The following SIM2 variants were observed in gnomAD, a reference collection of about 807,000 sequenced individuals.
The protein encoded by SIM2 is SIM bHLH transcription factor 2, also known as single-minded homolog 2.
In SIM2, 28 loss-of-function variants were observed where a neutral mutation model predicts 64.8. The observed-to-expected ratio is 0.43, with a 90% CI of 0.32 to 0.59. SIM2 has a LOEUF of 0.59. SIM2 is among the 20% of genes least tolerant of loss of function. The pLI is 0.07. For synonymous variants in SIM2, 408 were observed against 391.1 expected, an observed-to-expected ratio of 1.04 and a Z score of -0.51; for missense variants, 847 against 871.4, an observed-to-expected ratio of 0.97 and a Z score of 0.35.
intron 1 of SIM2, among the ~76,000 whole-genome samples, chr21:36,706,749 G>A (rs1316707417): frequency 6.6e-6 from 1 of 152,202 alleles, no homozygotes; most frequent in African/African-American, 2.4e-5. Context: ...TGGCCTAGAG[G>A]CAGGGGTGCT....
In SIM2 at chr21:36,699,701, G is replaced by T. The variant is rs757097933; in HGVS notation, c.-46G>T. The T allele has an allele frequency of 6.3e-7, 1 of 1,583,636 alleles. No homozygotes were observed. Among genetic ancestry groups the T allele is most frequent in the East Asian group, 2.4e-5 (1 of 41,880 alleles). On this transcript the variant is annotated 5_prime_UTR_variant, in exon 1 of 11. Transcript: ENST00000290399. This position sits in a 1 kb window ranked among gnomAD's most constrained non-coding sequence, Gnocchi z 5.6. ...CGCCGCAGCCCGAGCGGGGCTCCGC[G>T]GGCCTGGAGCACGGCCGGGTCTAAT...
At chr21:36,723,237 C>T in intron 5 of SIM2, 107 bp downstream of exon 5, 1 of 870,716 alleles carries the variant, frequency 1.1e-6, no homozygotes, top group Non-Finnish European at 1.9e-6. Flanking sequence ...TCGTCATCCC[C>T]ACTAATGTAG....
At chr21:36,705,891 G>A (rs2088573473) in intron 1 of SIM2, among the ~76,000 whole-genome samples, 1 of 152,186 alleles carries the variant, frequency 6.6e-6, no homozygotes, top group Admixed American at 6.5e-5. Context: ...GTCTAACCTG[G>A]TGTTCCTACC....
rs781638907 is a variant in SIM2, at chr21:36,731,171, C to T, written c.850+20C>T. 3.8e-6 allele frequency: 6 copies of T among 1,594,976 alleles called. No homozygotes were observed. The highest frequency in any genetic ancestry group is 5.2e-6 in the Non-Finnish European group (6 of 1,163,604). On this transcript the variant is annotated intron_variant, in intron 7 of 10. Coordinates refer to ENST00000290399, the MANE Select transcript of SIM2 (RefSeq NM_005069.6). ...ACCTCCGTGAGTAGCACGCCCACCC[C>T]AGCCACGGGAGGTAGCTGGTCAGGG...
chr21:36,731,693 C>T (rs73902717), intron 7 of SIM2, among the ~76,000 whole-genome samples: 1 of 152,064 alleles, frequency 6.6e-6, no homozygotes, highest in Non-Finnish European at 1.5e-5. Context: ...CTGCTATACC[C>T]CAGCCAGCTA....
intron 3 of SIM2, among the ~76,000 whole-genome samples, chr21:36,718,204 A>G (rs1226470609): frequency 6.6e-6 from 1 of 152,250 alleles, no homozygotes; most frequent in African/African-American, 2.4e-5. Flanking sequence ...GCTCTTCTTA[A>G]CAAATTGGAA....
At position 36,733,856 on chromosome 21, in the gene SIM2, C is replaced by T. The variant is rs767095793; in HGVS notation, c.850+2705C>T. Among the ~76,000 whole-genome samples the T allele has an allele frequency of 7.9e-5, 12 of 152,232 alleles. No homozygotes were observed. The South Asian group carries it at 1.9e-3, about 24-fold the overall frequency. On this transcript the variant is annotated intron_variant, in intron 7 of 10. Transcript: ENST00000290399. ...GATTACAGGCGTGAGCCACCATGCCCGGCCCGAAGCAGGGATTTTTTTCCC... is the reference window on the plus strand; with the variant it reads ...GATTACAGGCGTGAGCCACCATGCCTGGCCCGAAGCAGGGATTTTTTTCCC...
chr21:36,708,874 A>C (rs2123425648), intron 1 of SIM2, among the ~76,000 whole-genome samples: 2 of 152,372 alleles, frequency 1.3e-5, no homozygotes, highest in African/African-American at 4.8e-5. Context: ...CGGCAATTTC[A>C]GGGCCATGAG....
At chr21:36,708,995 A>G (rs535672622) in intron 1 of SIM2, among the ~76,000 whole-genome samples, 173 bp from the exon 2 acceptor site, 48 of 151,808 alleles carry the variant, frequency 3.2e-4, no homozygotes, top group African/African-American at 1.1e-3. Flanking sequence ...CAGAGGGCAA[A>G]GGGGCGACGG....
chr21:36,733,075 G>T (rs1018950414), intron 7 of SIM2, among the ~76,000 whole-genome samples: 2 of 152,182 alleles, frequency 1.3e-5, no homozygotes, highest in Non-Finnish European at 2.9e-5. Flanking sequence ...GCCCTGGGGG[G>T]TCTGGAGCCC....
At chr21:36,706,138 G>T (rs2088577329) in intron 1 of SIM2, among the ~76,000 whole-genome samples, 2 of 152,264 alleles carry the variant, frequency 1.3e-5, no homozygotes, top group Non-Finnish European at 2.9e-5. Flanking sequence ...CTTCGGAAGA[G>T]GAGGGATCGC....
intron 6 of SIM2, among the ~76,000 whole-genome samples, chr21:36,729,930 C>T (rs534965743): frequency 7.2e-5 from 11 of 152,322 alleles, no homozygotes; most frequent in African/African-American, 2.6e-4. Flanking sequence ...ATGCCCAGGG[C>T]TCGATGAGAA....
intron 9 of SIM2, among the ~76,000 whole-genome samples, chr21:36,743,820 T>C (rs1163843817): frequency 6.6e-6 from 1 of 152,218 alleles, no homozygotes; most frequent in African/African-American, 2.4e-5. Flanking sequence ...TAGATTCTAA[T>C]GGGCTTGACG....
chr21:36,734,842 C>A (rs997275008), intron 7 of SIM2, among the ~76,000 whole-genome samples: 1 of 152,210 alleles, frequency 6.6e-6, no homozygotes, highest in African/African-American at 2.4e-5. Flanking sequence ...AGGTACAGAA[C>A]CTGGGCCAGA....
intron 2 of SIM2, 50 bp from the exon 3 acceptor site, chr21:36,712,483 A>G (rs1330074360): frequency 8.0e-7 from 1 of 1,247,518 alleles, no homozygotes; most frequent in Non-Finnish European, 1.2e-6. Flanking sequence ...GTTAGATTTA[A>G]CTCTAATGTA....
chr21:36,740,972 T>C (rs569823398), intron 7 of SIM2, among the ~76,000 whole-genome samples: 5 of 152,332 alleles, frequency 3.3e-5, no homozygotes, highest in East Asian at 3.9e-4. Flanking sequence ...GTTCTGGCAC[T>C]TTCCTCCCCC....
chr21:36,725,423 T>C (rs955842529), intron 5 of SIM2, among the ~76,000 whole-genome samples: 13 of 152,242 alleles, frequency 8.5e-5, no homozygotes, highest in Non-Finnish European at 1.9e-4. Flanking sequence ...TTCAATCCCA[T>C]TGGAAGGTGG....
intron 4 of SIM2, among the ~76,000 whole-genome samples, chr21:36,722,531 A>G (rs1438772904): frequency 6.6e-6 from 1 of 152,190 alleles, no homozygotes; most frequent in Non-Finnish European, 1.5e-5. Flanking sequence ...ACACATTTGC[A>G]TTGACAATAG....
chr21:36,731,044 G>A lies in SIM2; in HGVS notation c.744-1G>A. On this transcript the variant is annotated splice_acceptor_variant, in intron 6 of 10. Transcript: ENST00000290399. LOFTEE classifies it high-confidence loss of function. ...CTCACTGAGCTGCCATGCCCCCACA[G>A]GGTGACCGAGGTGACGGGGTACGAG... 1 of 1,613,132 alleles carries A rather than the reference G, an allele frequency of 6.2e-7. No homozygotes were observed. Among genetic ancestry groups the A allele is most frequent in the Non-Finnish European group, 8.5e-7 (1 of 1,179,196 alleles).
Sources: allele counts gnomAD v4.1 joint callset (sites outside exome capture counted in the v4.1 genomes callset), GRCh38; gene constraint gnomAD v4.1.1; non-coding constraint Gnocchi (gnomAD v3.1); transcripts MANE v1.5; gene names NCBI Gene and HGNC (gene_info 2026-07-23, HGNC 2026-07-21).